The following PXDNL variants were observed in gnomAD, a reference collection of about 807,000 sequenced individuals.
PXDNL encodes the protein peroxidasin like, also known as probable oxidoreductase PXDNL.
Under a neutral mutation model 150.8 loss-of-function variants are expected in PXDNL, and 145 were observed. The ratio of observed to expected loss-of-function variants is 0.96; its 90% confidence interval spans 0.84 to 1.10. PXDNL has a LOEUF of 1.10. Among genes scored for constraint, PXDNL ranks in the 50% least tolerant of loss-of-function variants. The pLI, the probability that PXDNL is intolerant of heterozygous loss-of-function variation, is 0.00. For synonymous variants in PXDNL, 757 were observed against 725.7 expected (o/e 1.04, Z -0.69); for missense variants, 2,087 against 1,873.9 (o/e 1.11, Z -2.10).
At chr8:51,479,057 C>T (rs912218450) in intron 6 of PXDNL, among the ~76,000 whole-genome samples, 2 of 152,172 alleles carry the variant, frequency 1.3e-5, no homozygotes, top group African/African-American at 2.4e-5. Context: ...AGGAGAACTC[C>T]CTCAGCCTCT....
At chr8:51,692,283 A>ATT (rs1816020755) in intron 1 of PXDNL, among the ~76,000 whole-genome samples, 4 of 152,252 alleles carry the variant, frequency 2.6e-5, no homozygotes, top group African/African-American at 9.6e-5. Flanking sequence ...TCTCTTTCCA[A>ATT]GAAACACAAA....
chr8:51,446,434 C>G (rs955989043), intron 12 of PXDNL, among the ~76,000 whole-genome samples: 1 of 152,142 alleles, frequency 6.6e-6, no homozygotes, highest in Non-Finnish European at 1.5e-5. Context: ...TAATAACAAC[C>G]ATTTTTCATT....
intron 17 of PXDNL, among the ~76,000 whole-genome samples, chr8:51,381,609 A>G: frequency 6.6e-6 from 1 of 151,512 alleles, no homozygotes; most frequent in East Asian, 1.9e-4. Context: ...CCCTGATCCA[A>G]TATGACTGGT....
chr8:51,637,029 C>A (rs13264256), intron 2 of PXDNL, among the ~76,000 whole-genome samples: 1 of 151,836 alleles, frequency 6.6e-6, no homozygotes, highest in East Asian at 1.9e-4. Context: ...ACATTTGCTG[C>A]TCAGCAACAT....
chr8:51,644,347 C>T (rs1215722386), intron 2 of PXDNL, among the ~76,000 whole-genome samples: 9,223 of 44,974 alleles, frequency 0.21, 2,296 homozygotes, highest in Non-Finnish European at 0.31. Flanking sequence ...TACACACACA[C>T]ACACACACAC....
intron 3 of PXDNL, among the ~76,000 whole-genome samples, chr8:51,584,356 G>A (rs895276622): frequency 6.6e-6 from 1 of 152,150 alleles, no homozygotes; most frequent in East Asian, 1.9e-4. Context: ...AGGTGTCACT[G>A]CTCTTCACTC....
chr8:51,615,345 G>A (rs1305861358), intron 2 of PXDNL, among the ~76,000 whole-genome samples: 3 of 151,470 alleles, frequency 2.0e-5, no homozygotes, highest in Non-Finnish European at 4.4e-5. Flanking sequence ...ATATGAAATA[G>A]AAAATAGACA....
At chr8:51,600,116 T>G (rs907467786) in intron 2 of PXDNL, among the ~76,000 whole-genome samples, 2 of 144,980 alleles carry the variant, frequency 1.4e-5, no homozygotes, top group Non-Finnish European at 3.0e-5. Context: ...TCATATAAAT[T>G]ATATCGTTTA....
In PXDNL at chr8:51,409,576, G is replaced by T; in HGVS notation, c.2063-15C>A. 1 of 1,542,150 alleles carries T rather than the reference G, an allele frequency of 6.5e-7. No individual in the cohort carries two copies. Among genetic ancestry groups the T allele is most frequent in the Non-Finnish European group, 8.8e-7 (1 of 1,142,460 alleles). On this transcript the variant is annotated splice_polypyrimidine_tract_variant and intron_variant, in intron 16 of 22. Coordinates refer to ENST00000356297, the MANE Select transcript of PXDNL (RefSeq NM_144651.5). ...GTACCGGAATTCTGAAAGGCAAGCGGCGAAAGCCGTGAGGAGGGCGGGCCT... is the reference window on the plus strand; with the variant it reads ...GTACCGGAATTCTGAAAGGCAAGCGTCGAAAGCCGTGAGGAGGGCGGGCCT...
At chr8:51,717,373 ATTAT>A (rs1258285314) in intron 1 of PXDNL, among the ~76,000 whole-genome samples, 3 of 152,234 alleles carry the variant, frequency 2.0e-5, no homozygotes, top group Non-Finnish European at 4.4e-5. Context: ...CTAAGGACAC[ATTAT>A]CCAGTTGGCC....
chr8:51,698,760 A>G (rs978506959), intron 1 of PXDNL, among the ~76,000 whole-genome samples: 2 of 152,230 alleles, frequency 1.3e-5, no homozygotes, highest in African/African-American at 4.8e-5. Context: ...ACACTTAAGA[A>G]ATGTATTTCT....
At chr8:51,540,942 T>C (rs1324258832) in intron 4 of PXDNL, among the ~76,000 whole-genome samples, 1 of 150,692 alleles carries the variant, frequency 6.6e-6, no homozygotes, top group Non-Finnish European at 1.5e-5. Flanking sequence ...TGGGTGCAGA[T>C]GTTGTTATTT....
chr8:51,391,028 G>A (rs1276482747), intron 17 of PXDNL, among the ~76,000 whole-genome samples: 3 of 152,088 alleles, frequency 2.0e-5, no homozygotes, highest in African/African-American at 7.2e-5. Flanking sequence ...AGTTTACTGA[G>A]AATGATGATT....
intron 17 of PXDNL, among the ~76,000 whole-genome samples, chr8:51,400,420 T>C (rs1479878062): frequency 2.0e-5 from 3 of 152,216 alleles, no homozygotes; most frequent in South Asian, 2.1e-4. Context: ...AATTTTTGGA[T>C]TGGTGATGCT....
chr8:51,554,183 G>T (rs915955449), intron 4 of PXDNL, among the ~76,000 whole-genome samples: 1 of 152,146 alleles, frequency 6.6e-6, no homozygotes, highest in African/African-American at 2.4e-5. Context: ...CAAATTAGGG[G>T]CACAATCCAC....
In PXDNL at chr8:51,449,004, G is replaced by GT; in HGVS notation, c.1363dup (p.Thr455AsnfsTer22). Reference sequence around the variant, plus strand: ...ATTACCTGCAGATGTTCTAATACCTGTTTTTGTCCAGACAATAACAGGAGG... The same window carrying GT: ...ATTACCTGCAGATGTTCTAATACCTGTTTTTTGTCCAGACAATAACAGGAGG... On this transcript the variant is annotated frameshift_variant, in exon 11 of 23. Coordinates refer to ENST00000356297, the MANE Select transcript of PXDNL (RefSeq NM_144651.5). LOFTEE classifies it high-confidence loss of function. The GT allele has an allele frequency of 6.6e-7, 1 of 1,516,320 alleles. No homozygotes were observed. The highest frequency in any genetic ancestry group is 9.0e-7 in the Non-Finnish European group (1 of 1,114,788). The allele number at this position is 1,516,320 out of a possible 1,614,324, so 93.9% of individuals were successfully genotyped here. A position where few individuals can be genotyped will look rare whatever the true frequency, so the allele number is the denominator to read the frequency against.
intron 17 of PXDNL, among the ~76,000 whole-genome samples, chr8:51,397,759 T>A (rs77212043): frequency 0.025 from 3,739 of 152,194 alleles, 62 homozygotes; most frequent in East Asian, 0.074. Flanking sequence ...AGAGGCCTTT[T>A]TTTTTATTAT....
intron 21 of PXDNL, among the ~76,000 whole-genome samples, chr8:51,323,090 C>CA (rs1035296481): frequency 2.2e-4 from 34 of 151,910 alleles, no homozygotes; most frequent in Admixed American, 1.2e-3. Context: ...ATGAAAATCA[C>CA]AAAAAAATCT....
chr8:51,389,124 G>A (rs1278366128), intron 17 of PXDNL, among the ~76,000 whole-genome samples: 1 of 152,122 alleles, frequency 6.6e-6, no homozygotes, highest in African/African-American at 2.4e-5. Context: ...TGTGTGAGAA[G>A]GAGAGAACTT....
Sources: gnomAD v4.1 joint callset for allele counts (sites outside exome capture counted in the v4.1 genomes callset) on GRCh38, gnomAD v4.1.1 for gene constraint, MANE v1.5 for transcripts, NCBI Gene and HGNC (gene_info 2026-07-23, HGNC 2026-07-21) for gene names.